ICE1: variants seen among roughly 807,000 people sequenced by gnomAD.
ICE1 encodes the protein interactor of little elongation complex ELL subunit 1, also known as little elongation complex subunit 1.
Under a neutral mutation model 192.7 loss-of-function variants are expected in ICE1, and 64 were observed. That is an observed-to-expected ratio of 0.33 (90% confidence interval 0.27 to 0.41). The LOEUF (loss-of-function observed/expected upper bound fraction) is 0.41. Ranked by LOEUF, ICE1 falls within the 10% of genes least tolerant of loss-of-function variation. ICE1 has a pLI of 1.00. For synonymous variants in ICE1, 1,010 were observed against 984.5 expected (o/e 1.03, Z -0.49); for missense variants, 2,708 against 2,696.0 (o/e 1.00, Z -0.10).
chr5:5,445,065 A>T (rs1738170965), intron 7 of ICE1, among the ~76,000 whole-genome samples: 1 of 152,240 alleles, frequency 6.6e-6, no homozygotes. Flanking sequence ...TGCAGCGGGC[A>T]TCTTACCTGC....
intron 10 of ICE1, among the ~76,000 whole-genome samples, chr5:5,448,130 A>G (rs1035031117): frequency 6.6e-6 from 1 of 152,216 alleles, no homozygotes; most frequent in African/African-American, 2.4e-5. Context: ...TGGGATAGGA[A>G]AACTAGTTGG....
Sources: gnomAD v4.1 joint callset for allele counts (sites outside exome capture counted in the v4.1 genomes callset) on GRCh38, gnomAD v4.1.1 for gene constraint, MANE v1.5 for transcripts, NCBI Gene and HGNC (gene_info 2026-07-23, HGNC 2026-07-21) for gene names.